Variants in DPP6 observed in about 807,000 individuals in gnomAD.
DPP6 encodes dipeptidyl peptidase like 6.
DPP6 carries 69 observed loss-of-function variants against 122.6 expected under a neutral mutation model. The ratio of observed to expected loss-of-function variants is 0.56; its 90% confidence interval spans 0.46 to 0.69. The LOEUF is 0.69. Ranked by LOEUF, DPP6 falls within the 30% of genes least tolerant of loss-of-function variation. The pLI is 0.00. For synonymous variants in DPP6, 418 were observed against 433.1 expected, an observed-to-expected ratio of 0.97 and a Z score of 0.43; for missense variants, 928 against 1,116.9, an observed-to-expected ratio of 0.83 and a Z score of 2.41.
chr7:154,813,996 T>A (rs1260120253), intron 16 of DPP6, among the ~76,000 whole-genome samples: 1 of 147,012 alleles, frequency 6.8e-6, no homozygotes, highest in African/African-American at 2.5e-5. Flanking sequence ...TTCTCCTGCC[T>A]CAGCCTCTTG....
intron 4 of DPP6, among the ~76,000 whole-genome samples, chr7:154,558,877 G>A (rs1216128205): frequency 6.6e-6 from 1 of 152,076 alleles, no homozygotes; most frequent in Non-Finnish European, 1.5e-5. Context: ...GAATAAGTCA[G>A]GTTAATCCAC....
chr7:154,713,367 C>G (rs1841308483), intron 7 of DPP6, among the ~76,000 whole-genome samples: 1 of 152,244 alleles, frequency 6.6e-6, no homozygotes, highest in African/African-American at 2.4e-5. Context: ...CAGTGCCCCA[C>G]TGGGGACTCT....
chr7:154,489,157 C>T (rs1348345006), intron 3 of DPP6, among the ~76,000 whole-genome samples: 1 of 152,176 alleles, frequency 6.6e-6, no homozygotes, highest in Non-Finnish European at 1.5e-5. Flanking sequence ...AACTGCATGG[C>T]CTGGTTGTGC....
At chr7:154,067,772 T>C (rs1322574409) in intron 1 of DPP6, among the ~76,000 whole-genome samples, 7 of 152,098 alleles carry the variant, frequency 4.6e-5, no homozygotes, top group Non-Finnish European at 7.4e-5. Flanking sequence ...TGCAGTGAGA[T>C]CTGGCTCTGC....
chr7:154,870,457 T>C (rs1804292219), intron 18 of DPP6, among the ~76,000 whole-genome samples: 1 of 151,642 alleles, frequency 6.6e-6, no homozygotes, highest in Admixed American at 6.6e-5. Flanking sequence ...AATACAAAAA[T>C]TAGCCAGGCG....
rs1367044557 is a variant in DPP6, at chr7:154,195,141, A to G, written c.243+142078A>G. ...ATTTAGGTCTGTGGTTCATTTTGAG[A>G]TAATTGTATATTGTATGAAGTACGG... On this transcript the variant is annotated intron_variant, in intron 1 of 25. Coordinates refer to ENST00000377770, the MANE Select transcript of DPP6 (RefSeq NM_130797.4). Among the ~76,000 whole-genome samples the G allele has an allele frequency of 2.6e-5, 4 of 152,106 alleles. No individual in the cohort carries two copies. The East Asian group carries it at 5.8e-4, about 22-fold the overall frequency.
chr7:153,800,593 T>C, the DPP6 span, among the ~76,000 whole-genome samples: 24 of 152,160 alleles, frequency 1.6e-4, no homozygotes, highest in Non-Finnish European at 3.1e-4. Context: ...CTCGGCTCAC[T>C]GCAACCTCCA....
chr7:154,309,765 A>G (rs984502859), intron 1 of DPP6, among the ~76,000 whole-genome samples: 2 of 152,046 alleles, frequency 1.3e-5, no homozygotes, highest in Non-Finnish European at 2.9e-5. Flanking sequence ...AATATTAGGA[A>G]GTGCACATAA....
intron 1 of DPP6, among the ~76,000 whole-genome samples, chr7:154,181,608 A>G (rs1798085787): frequency 6.6e-6 from 1 of 152,158 alleles, no homozygotes; most frequent in Non-Finnish European, 1.5e-5. Context: ...CCATTTTTAT[A>G]TGTTTAATAT....
At chr7:154,324,617 T>C (rs1459048222) in intron 1 of DPP6, among the ~76,000 whole-genome samples, 1 of 152,006 alleles carries the variant, frequency 6.6e-6, no homozygotes, top group Non-Finnish European at 1.5e-5. Context: ...CATGTCTGGG[T>C]TGGGGGTGTT....
chr7:154,830,682 C>T (rs1253967437), intron 16 of DPP6, among the ~76,000 whole-genome samples: 2 of 152,192 alleles, frequency 1.3e-5, no homozygotes, highest in Non-Finnish European at 2.9e-5. Flanking sequence ...CGGCCTTAAT[C>T]GTACTTCATT....
Position 154,263,175 on chromosome 7 carries a change from T to G in DPP6, c.244-183039T>G, listed in dbSNP as rs541048632. ...ACCCCACTCCCTTTCTAGCAGTGAT[T>G]GCCTATTACAGGAGAAAACAGATTG... On this transcript the variant is annotated intron_variant, in intron 1 of 25. Transcript: ENST00000377770. Among the ~76,000 whole-genome samples, 3 of 152,298 alleles carry G rather than the reference T, an allele frequency of 2.0e-5. No homozygotes were observed. The South Asian group carries it at 6.2e-4, about 32-fold the overall frequency.
At chr7:154,801,299 C>A in intron 12 of DPP6, 56 bp from the exon 13 acceptor site, 1 of 1,549,388 alleles carries the variant, frequency 6.5e-7, no homozygotes, top group Non-Finnish European at 8.7e-7. Flanking sequence ...CTGGTTCAAC[C>A]TCTTCAGAAT....
At chr7:153,955,806 T>A (rs11772316) in intron 1 of DPP6, among the ~76,000 whole-genome samples, 9 of 152,086 alleles carry the variant, frequency 5.9e-5, no homozygotes, top group African/African-American at 2.2e-4. Flanking sequence ...GGTCACACAG[T>A]GGTAAATGGG....
intron 1 of DPP6, among the ~76,000 whole-genome samples, chr7:153,898,128 C>T (rs987090775): frequency 3.3e-5 from 5 of 152,076 alleles, no homozygotes; most frequent in African/African-American, 1.2e-4. Context: ...AGGGTGACTG[C>T]AATTACTAAT....
intron 8 of DPP6, among the ~76,000 whole-genome samples, chr7:154,728,318 A>G (rs1842170254): frequency 6.6e-6 from 1 of 152,216 alleles, no homozygotes; most frequent in Non-Finnish European, 1.5e-5. Flanking sequence ...AAAAGAAAGA[A>G]TGAGTTGCAT....
intron 1 of DPP6, among the ~76,000 whole-genome samples, chr7:154,239,279 C>T (rs763779535): frequency 1.4e-4 from 21 of 152,264 alleles, no homozygotes; most frequent in African/African-American, 2.4e-4. Context: ...TTTCTAGTGT[C>T]GTAGCTCTTA....
chr7:154,466,160 A>C (rs2151327608), intron 2 of DPP6, among the ~76,000 whole-genome samples: 1 of 152,162 alleles, frequency 6.6e-6, no homozygotes, highest in Non-Finnish European at 1.5e-5. Context: ...AACAAGGAGA[A>C]CATATGGGCA....
chr7:154,721,600 G>A (rs1841812557), intron 7 of DPP6, among the ~76,000 whole-genome samples: 1 of 152,138 alleles, frequency 6.6e-6, no homozygotes. Flanking sequence ...TGGATTTTTA[G>A]CTGTGACACC....
Sources: gnomAD v4.1 joint callset for allele counts (sites outside exome capture counted in the v4.1 genomes callset) on GRCh38, gnomAD v4.1.1 for gene constraint, MANE v1.5 for transcripts, NCBI Gene and HGNC (gene_info 2026-07-23, HGNC 2026-07-21) for gene names.